The following KCNQ5 variants were observed in gnomAD, a reference collection of about 807,000 sequenced individuals.
KCNQ5 encodes potassium voltage-gated channel subfamily Q member 5.
In KCNQ5, 30 loss-of-function variants were observed where a neutral mutation model predicts 98.2. The ratio of observed to expected loss-of-function variants is 0.31; its 90% CI spans 0.23 to 0.41. The LOEUF (loss-of-function observed/expected upper bound fraction) is 0.41. Ranked by LOEUF, KCNQ5 falls within the 10% of genes least tolerant of loss-of-function variation. The pLI, the probability that KCNQ5 is intolerant of heterozygous loss-of-function variation, is 1.00. For missense variants in KCNQ5, 835 were observed against 1,182.5 expected (o/e 0.71, Z 4.31); for synonymous variants, 458 against 449.4 (o/e 1.02, Z -0.24).
chr6:73,110,618 C>T (rs1775203393), intron 6 of KCNQ5, among the ~76,000 whole-genome samples: 1 of 152,192 alleles, frequency 6.6e-6, no homozygotes, highest in Non-Finnish European at 1.5e-5. Flanking sequence ...CAATGATCCA[C>T]GTTCTTGTCT....
At chr6:72,925,535 G>A (rs1390431178) in intron 1 of KCNQ5, among the ~76,000 whole-genome samples, 1 of 152,146 alleles carries the variant, frequency 6.6e-6, no homozygotes, top group Non-Finnish European at 1.5e-5. Flanking sequence ...CATGTTCTAA[G>A]AAATATGGCC....
At chr6:72,750,878 T>C (rs989989878) in intron 1 of KCNQ5, among the ~76,000 whole-genome samples, 1 of 152,090 alleles carries the variant, frequency 6.6e-6, no homozygotes, top group African/African-American at 2.4e-5. Context: ...GCTCAAGCCT[T>C]CCACTTCCAT....
intron 2 of KCNQ5, among the ~76,000 whole-genome samples, chr6:73,032,494 G>A (rs1409036178): frequency 1.3e-5 from 2 of 152,114 alleles, no homozygotes; most frequent in African/African-American, 4.8e-5. Context: ...AGGAAGAAAA[G>A]CCTATAGATT....
Position 72,816,125 on chromosome 6 carries a change from G to A in KCNQ5, c.399-187783G>A, listed in dbSNP as rs529449828. On this transcript the variant is annotated intron_variant, in intron 1 of 13. Coordinates refer to ENST00000370398, the MANE Select transcript of KCNQ5 (RefSeq NM_019842.4). ...ACTTTGGAAAGCTGCAGAAGTCATA[G>A]GGGGAGAAGGTGTCAGAAAGGAAAG... is the stretch of plus-strand genomic sequence containing the variant. 3.9e-5 allele frequency among the ~76,000 whole-genome samples: 6 copies of A among 152,304 alleles called. No individual in the cohort carries two copies. The East Asian group carries it at 1.2e-3, about 29-fold the overall frequency.
intron 1 of KCNQ5, among the ~76,000 whole-genome samples, chr6:72,691,263 T>C (rs1342652971): frequency 6.6e-6 from 1 of 152,232 alleles, no homozygotes; most frequent in Non-Finnish European, 1.5e-5. Flanking sequence ...GTTCTATTTT[T>C]CATAAGTATC....
rs757602633 is a variant in KCNQ5, at chr6:73,129,748, C to T, written c.1248-3673C>T. On this transcript the variant is annotated intron_variant, in intron 9 of 13. Transcript: ENST00000370398. ...AAGAATCCCTGAGCACTTTCCTATT[C>T]GTGAAATGCTTAGTAATGTGCTGCT... is the stretch of plus-strand genomic sequence containing the variant. The T allele has an allele frequency of 2.6e-6, 4 of 1,532,608 alleles. No individual in the cohort carries two copies. In the East Asian group the frequency reaches 9.0e-5, roughly 35 times the overall value. The allele number at this position is 1,532,608 out of a possible 1,614,324, so 94.9% of individuals were successfully genotyped here.
intron 1 of KCNQ5, among the ~76,000 whole-genome samples, chr6:72,982,487 C>CTTTTTTTTT (rs141947372): frequency 5.6e-4 from 34 of 60,294 alleles, no homozygotes; most frequent in Non-Finnish European, 6.8e-4. Context: ...GCAACCCCTG[C>CTTTTTTTTT]TTTTTTTTTT....
intron 1 of KCNQ5, among the ~76,000 whole-genome samples, chr6:72,686,294 G>A (rs1053420006): frequency 2.6e-5 from 4 of 152,140 alleles, no homozygotes; most frequent in Non-Finnish European, 5.9e-5. Flanking sequence ...TTTGAACCTT[G>A]CCAACAAACT....
chr6:72,741,901 A>C (rs1350471614), intron 1 of KCNQ5, among the ~76,000 whole-genome samples: 1 of 152,190 alleles, frequency 6.6e-6, no homozygotes, highest in East Asian at 1.9e-4. Flanking sequence ...ACCTAACTCC[A>C]TTGTCCCCTA....
rs59726566 is a variant in KCNQ5 at position 72,746,064 on chromosome 6, C to CAAAAAA, written c.398+123512_398+123517dup. ...ATTATATCCGCAAAGACTCTATTTG[C>CAAAAAA]AAAAAAAAAAAAAAAAAAAAAAAAA... On this transcript the variant is annotated intron_variant, in intron 1 of 13. Transcript: ENST00000370398. 5.7e-4 allele frequency among the ~76,000 whole-genome samples: 46 copies of CAAAAAA among 80,190 alleles called. 3 individuals carry two copies. Among genetic ancestry groups the CAAAAAA allele is most frequent in the African/African-American group, 1.5e-3 (44 of 28,666 alleles). The allele number at this position is 80,190 out of a possible 152,430, so 52.6% of individuals were successfully genotyped here.
chr6:72,979,142 G>A (rs1768305186), intron 1 of KCNQ5, among the ~76,000 whole-genome samples: 2 of 152,202 alleles, frequency 1.3e-5, no homozygotes, highest in African/African-American at 2.4e-5. Flanking sequence ...AAACATACGT[G>A]TGTATGTATC....
chr6:72,826,574 G>A (rs1171975383), intron 1 of KCNQ5, among the ~76,000 whole-genome samples: 1 of 151,178 alleles, frequency 6.6e-6, no homozygotes, highest in East Asian at 1.9e-4. Context: ...AATTGTTCTT[G>A]GGTTTTAAAA....
At chr6:73,135,163 A>G (rs1182900216) in intron 10 of KCNQ5, 1 of 152,034 alleles carries the variant, frequency 6.6e-6, no homozygotes, top group Non-Finnish European at 1.5e-5. Context: ...TGATGCTCTA[A>G]ATTAAAAATT....
intron 1 of KCNQ5, among the ~76,000 whole-genome samples, chr6:72,981,336 G>T (rs1398707034): frequency 6.6e-6 from 1 of 151,974 alleles, no homozygotes; most frequent in Non-Finnish European, 1.5e-5. Context: ...CAATTTCAGA[G>T]CCTGTTATTG....
intron 1 of KCNQ5, among the ~76,000 whole-genome samples, chr6:72,796,823 A>T (rs1377147207): frequency 6.6e-6 from 1 of 152,240 alleles, no homozygotes; most frequent in Non-Finnish European, 1.5e-5. Context: ...GATACAAAAA[A>T]TTCCAAAGGT....
chr6:72,860,561 C>CA (rs1777721497), intron 1 of KCNQ5, among the ~76,000 whole-genome samples: 1 of 152,006 alleles, frequency 6.6e-6, no homozygotes, highest in Non-Finnish European at 1.5e-5. Context: ...AGTAACATAC[C>CA]AAAAAATTAG....
chr6:72,751,314 GAA>G (rs35351451), intron 1 of KCNQ5, among the ~76,000 whole-genome samples: 19,781 of 141,802 alleles, frequency 0.14, 1,424 homozygotes, highest in South Asian at 0.2. Context: ...GACTCAAAAT[GAA>G]AAAAAAAAAA....
At chr6:73,136,865 A>G (rs192754747) in intron 10 of KCNQ5, 1 of 152,226 alleles carries the variant, frequency 6.6e-6, no homozygotes, top group Non-Finnish European at 1.5e-5. Flanking sequence ...AAAATAATAT[A>G]TAACACTTAT....
intron 3 of KCNQ5, among the ~76,000 whole-genome samples, chr6:73,053,227 G>T (rs1395757900): frequency 6.6e-6 from 1 of 152,132 alleles, no homozygotes; most frequent in Non-Finnish European, 1.5e-5. Flanking sequence ...ATCCAAAACA[G>T]GAGCACCCAA....
Sources: allele counts gnomAD v4.1 joint callset (sites outside exome capture counted in the v4.1 genomes callset), GRCh38; gene constraint gnomAD v4.1.1; transcripts MANE v1.5; gene names NCBI Gene and HGNC (gene_info 2026-07-23, HGNC 2026-07-21).